Variants in DPF3 observed in about 807,000 individuals in gnomAD.
DPF3 encodes the protein zinc finger protein DPF3.
Under a neutral mutation model 56.8 loss-of-function variants are expected in DPF3, and 18 were observed. The ratio of observed to expected loss-of-function variants is 0.32; its 90% CI spans 0.22 to 0.47. DPF3 has a LOEUF of 0.47. DPF3 is among the 20% of genes least tolerant of loss of function. The probability of loss-of-function intolerance (pLI) is 1.00; values close to 1 mark genes in which losing one functional copy is unlikely to be tolerated. For missense variants in DPF3, 403 were observed against 488.8 expected, an observed-to-expected ratio of 0.82 and a Z score of 1.65; for synonymous variants, 188 against 180.2, an observed-to-expected ratio of 1.04 and a Z score of -0.35.
intron 8 of DPF3, chr14:72,662,839 G>C: frequency 1.0e-6 from 1 of 985,098 alleles, no homozygotes; most frequent in Non-Finnish European, 1.2e-6. Flanking sequence ...GTTGACTGCA[G>C]AGGGAAAGGC....
At chr14:72,672,403 G>A (rs1467466821) in intron 8 of DPF3, among the ~76,000 whole-genome samples, 1 of 152,138 alleles carries the variant, frequency 6.6e-6, no homozygotes, top group African/African-American at 2.4e-5. Flanking sequence ...AGGACCGTAG[G>A]GAGGCTCCAG....
chr14:72,662,538 T>C (rs1418383212), intron 8 of DPF3: 3 of 985,176 alleles, frequency 3.0e-6, no homozygotes, highest in Non-Finnish European at 3.6e-6. Context: ...GGGTACTTTC[T>C]CACAGACAAT....
intron 3 of DPF3, among the ~76,000 whole-genome samples, chr14:72,749,900 A>G (rs896090809): frequency 2.6e-5 from 4 of 152,048 alleles, no homozygotes; most frequent in Non-Finnish European, 5.9e-5. Flanking sequence ...GAGAGAGGTA[A>G]AGAGAGACAT....
chr14:72,835,013 A>T (rs117737346), intron 1 of DPF3, among the ~76,000 whole-genome samples: 7,103 of 152,246 alleles, frequency 0.047, 240 homozygotes, highest in Non-Finnish European at 0.077. Context: ...CCAAGGAGAC[A>T]AAAAGCAGAT....
chr14:72,707,208 T>G (rs1888443454), intron 6 of DPF3, among the ~76,000 whole-genome samples: 1 of 152,238 alleles, frequency 6.6e-6, no homozygotes, highest in South Asian at 2.1e-4. Flanking sequence ...TGCCACATTT[T>G]CTTAATCCAG....
chr14:72,880,243 T>G (rs994246273), intron 1 of DPF3, among the ~76,000 whole-genome samples: 3 of 152,250 alleles, frequency 2.0e-5, no homozygotes, highest in African/African-American at 7.2e-5. Context: ...TAAAGCCACA[T>G]GGAAGAGTGT....
chr14:72,704,549 T>C (rs1402583595), intron 6 of DPF3, among the ~76,000 whole-genome samples: 1 of 152,132 alleles, frequency 6.6e-6, no homozygotes, highest in Non-Finnish European at 1.5e-5. Context: ...TAGGCCTTCT[T>C]CCACCTACAA....
At position 72,649,660 on chromosome 14, in the gene DPF3, T is replaced by TGGGGG. The variant is rs372597512; in HGVS notation, c.872-19929_872-19925dup. On this transcript the variant is annotated intron_variant, in intron 8 of 10. Coordinates refer to ENST00000556509, the MANE Select transcript of DPF3 (RefSeq NM_001280542.3). Reference sequence around the variant, plus strand: ...CTCAATTGTCTCACTCATCCCTGGGTGGGGGGGGGGATTAATGTATTAGTA... The same window carrying TGGGGG: ...CTCAATTGTCTCACTCATCCCTGGGTGGGGGGGGGGGGGGGATTAATGTATTAGTA... 3.4e-3 allele frequency among the ~76,000 whole-genome samples: 210 copies of TGGGGG among 61,120 alleles called. 1 individual carries two copies. Among genetic ancestry groups the TGGGGG allele is most frequent in the Non-Finnish European group, 5.6e-3 (152 of 27,252 alleles). 40.1% of individuals were successfully genotyped at this position (61,120 alleles called of 152,430 possible). A position where few individuals can be genotyped will look rare whatever the true frequency, so the allele number is the denominator to read the frequency against.
At chr14:72,816,155 C>T (rs1567242690) in intron 1 of DPF3, among the ~76,000 whole-genome samples, 1 of 152,176 alleles carries the variant, frequency 6.6e-6, no homozygotes, top group Non-Finnish European at 1.5e-5. Flanking sequence ...TAGTCATCTC[C>T]ACCTTGTCTC....
intron 1 of DPF3, among the ~76,000 whole-genome samples, chr14:72,856,962 A>G (rs1885193391): frequency 6.6e-6 from 1 of 152,118 alleles, no homozygotes; most frequent in Non-Finnish European, 1.5e-5. Context: ...CAAGAGCTGG[A>G]GTGATTTGTT....
At position 72,618,935 on chromosome 14, in the gene DPF3, C is replaced by G. The variant is rs1457558536; in HGVS notation, c.*362G>C. Reference sequence around the variant, plus strand: ...ACACAATAGATAAAAAAACACCACACTACACACAAGTAATGGATGAGTGGT... The same window carrying G: ...ACACAATAGATAAAAAAACACCACAGTACACACAAGTAATGGATGAGTGGT... On this transcript the variant is annotated 3_prime_UTR_variant, in exon 11 of 11. Coordinates refer to ENST00000556509, the MANE Select transcript of DPF3 (RefSeq NM_001280542.3). 6.6e-6 allele frequency among the ~76,000 whole-genome samples: 1 copy of G among 152,204 alleles called. No homozygotes were observed. The highest frequency in any genetic ancestry group is 2.4e-5 in the African/African-American group (1 of 41,456).
intron 1 of DPF3, among the ~76,000 whole-genome samples, chr14:72,847,597 C>T (rs1179677975): frequency 6.6e-6 from 1 of 151,800 alleles, no homozygotes; most frequent in Non-Finnish European, 1.5e-5. Flanking sequence ...CTACAACCTC[C>T]GCCTCCCAGG....
intron 1 of DPF3, among the ~76,000 whole-genome samples, chr14:72,777,621 G>C (rs1450905075): frequency 6.6e-6 from 1 of 152,154 alleles, no homozygotes; most frequent in African/African-American, 2.4e-5. Context: ...GGGGCCTAGT[G>C]GGAGGTGTTT....
At position 72,662,153 on chromosome 14, in the gene DPF3, A is replaced by G. The variant is rs190617987; in HGVS notation, c.871+12087T>C. 5.9e-5 allele frequency: 58 copies of G among 983,944 alleles called. No homozygotes were observed. The African/African-American group carries it at 8.4e-4, about 14-fold the overall frequency. The allele number at this position is 983,944 out of a possible 1,614,324, so 61.0% of individuals were successfully genotyped here. On this transcript the variant is annotated intron_variant, in intron 8 of 10. Coordinates refer to ENST00000556509, the MANE Select transcript of DPF3 (RefSeq NM_001280542.3). ...ACTTTCAATAGACTTTTGAAGGAGGAAAAAAAAACTGAGCACTCCTCACTT... is the reference window on the plus strand; with the variant it reads ...ACTTTCAATAGACTTTTGAAGGAGGGAAAAAAAACTGAGCACTCCTCACTT...
chr14:72,834,456 C>G (rs1054107627), intron 1 of DPF3, among the ~76,000 whole-genome samples: 1 of 145,326 alleles, frequency 6.9e-6, no homozygotes. Context: ...GAGATCGTGC[C>G]ACTGTACTCC....
intron 5 of DPF3, 128 bp downstream of exon 5, chr14:72,723,505 T>C: frequency 1.2e-6 from 1 of 827,786 alleles, no homozygotes; most frequent in Non-Finnish European, 1.9e-6. Context: ...TCTGGAGTTT[T>C]CTCCTTTGAG....
chr14:72,676,299 A>AT (rs955869326), intron 7 of DPF3, among the ~76,000 whole-genome samples: 16 of 152,332 alleles, frequency 1.1e-4, no homozygotes, highest in Non-Finnish European at 2.1e-4. Context: ...TATATCATTC[A>AT]TAAAAACTTA....
intron 4 of DPF3, among the ~76,000 whole-genome samples, chr14:72,729,604 T>C (rs914744233): frequency 2.0e-5 from 3 of 152,152 alleles, no homozygotes; most frequent in African/African-American, 7.2e-5. Context: ...TAAAAAGAAA[T>C]GAGCTATCTG....
intron 2 of DPF3, among the ~76,000 whole-genome samples, chr14:72,760,196 C>T (rs149803794): frequency 1.6e-4 from 25 of 152,220 alleles, no homozygotes; most frequent in Admixed American, 3.9e-4. Flanking sequence ...GATGGCCGGG[C>T]GCGGTGGCTC....
Sources: gnomAD v4.1 joint callset for allele counts (sites outside exome capture counted in the v4.1 genomes callset) on GRCh38, gnomAD v4.1.1 for gene constraint, MANE v1.5 for transcripts, NCBI Gene and HGNC (gene_info 2026-07-23, HGNC 2026-07-21) for gene names.